CHD6: variants seen among roughly 807,000 people sequenced by gnomAD.
The protein encoded by CHD6 is ATP-dependent chromatin remodeler CHD6.
Under a neutral mutation model 276.9 loss-of-function variants are expected in CHD6, and 50 were observed. The ratio of observed to expected loss-of-function variants is 0.18; its 90% CI spans 0.14 to 0.23. The LOEUF is 0.23. Among genes scored for constraint, CHD6 ranks in the 10% least tolerant of loss-of-function variants. CHD6 has a pLI of 1.00. For missense variants in CHD6, 2,564 were observed against 3,365.8 expected (o/e 0.76, Z 5.89); for synonymous variants, 1,173 against 1,229.3 (o/e 0.95, Z 0.96).
chr20:41,488,569 G>A lies in CHD6; in HGVS notation c.1716C>T (p.Val572=), dbSNP rs538568916. ...NPLSGVFKFH[V]VITTFEMILA... ...GGATCATTTCAAATGTTGTGATGAC[G>A]ACGTGGAACTTGAAGACTCCTGAAA... The change falls in exon 13 of 37, where the codon GTC becomes GTT. Residue 572 remains valine (V), a synonymous_variant. Coordinates refer to ENST00000373233, the MANE Select transcript of CHD6 (RefSeq NM_032221.5). 8.7e-5 allele frequency: 141 copies of A among 1,613,710 alleles called. No individual in the cohort carries two copies. Among genetic ancestry groups the A allele is most frequent in the African/African-American group, 2.4e-4 (18 of 75,008 alleles).
At chr20:41,582,079 G>A (rs1475024032) in intron 1 of CHD6, among the ~76,000 whole-genome samples, 3 of 152,046 alleles carry the variant, frequency 2.0e-5, no homozygotes, top group Non-Finnish European at 4.4e-5. Flanking sequence ...TGGTGGGAGG[G>A]GCAGTGTGGG....
At chr20:41,563,529 G>C (rs2045324561) in intron 1 of CHD6, among the ~76,000 whole-genome samples, 1 of 152,142 alleles carries the variant, frequency 6.6e-6, no homozygotes, top group Admixed American at 6.5e-5. Flanking sequence ...TTTCAGTGAT[G>C]AGTGAGGCAC....
intron 1 of CHD6, among the ~76,000 whole-genome samples, chr20:41,602,919 G>A (rs1028416069): frequency 6.6e-6 from 1 of 152,110 alleles, no homozygotes; most frequent in Non-Finnish European, 1.5e-5. Flanking sequence ...CTGGGCTCAC[G>A]TGATCTGCCT....
rs371304192 is a variant in CHD6, at chr20:41,509,679, T to C, written c.852+3167A>G. 2.0e-5 allele frequency among the ~76,000 whole-genome samples: 3 copies of C among 152,126 alleles called. No homozygotes were observed. The East Asian group carries it at 5.8e-4, about 29-fold the overall frequency. ...GCAAAATCACACAAACCACCCAAAC[T>C]GCAGGAGGCAAAAACTGAGACAGGC... is the stretch of plus-strand genomic sequence containing the variant. On this transcript the variant is annotated intron_variant, in intron 5 of 36. Transcript: ENST00000373233.
chr20:41,455,451 T>C (rs75541540), intron 19 of CHD6, among the ~76,000 whole-genome samples: 11 of 152,180 alleles, frequency 7.2e-5, no homozygotes, highest in Non-Finnish European at 1.5e-5. Context: ...GAGCTTCCAC[T>C]CTCTATCAGT....
chr20:41,449,433 CA>C (rs1173283419), intron 23 of CHD6, among the ~76,000 whole-genome samples: 1 of 152,136 alleles, frequency 6.6e-6, no homozygotes, highest in Non-Finnish European at 1.5e-5. Flanking sequence ...TAAAGAGAAA[CA>C]AATGTGTTGA....
intron 27 of CHD6, among the ~76,000 whole-genome samples, chr20:41,432,572 C>T (rs913661182): frequency 2.0e-5 from 3 of 148,752 alleles, no homozygotes; most frequent in Non-Finnish European, 4.5e-5. Flanking sequence ...TTTGCTTCCA[C>T]CTCACAGAAA....
At chr20:41,455,390 C>T (rs1773173613) in intron 19 of CHD6, among the ~76,000 whole-genome samples, 1 of 152,148 alleles carries the variant, frequency 6.6e-6, no homozygotes, top group Non-Finnish European at 1.5e-5. Context: ...ATCTCTTTCC[C>T]ATTAAACAAA....
intron 8 of CHD6, chr20:41,497,156 T>C (rs1016219100): frequency 2.4e-5 from 12 of 495,520 alleles, no homozygotes; most frequent in African/African-American, 2.3e-4. Context: ...CAGACCAAGA[T>C]GCACGCCGTT....
In CHD6 at chr20:41,451,785, T is replaced by G. The variant is rs753385250; in HGVS notation, c.3523+41A>C. 3 of 1,565,328 alleles carry G rather than the reference T, an allele frequency of 1.9e-6. No individual in the cohort carries two copies. In the African/African-American group the frequency reaches 4.1e-5, roughly 21 times the overall value. ...GCAGAGGAAGAGGGGATGAAGTGCA[T>G]GGGAATCGTGCTTCTTAGGCATGGC... On this transcript the variant is annotated intron_variant, in intron 22 of 36. Transcript: ENST00000373233.
At chr20:41,432,160 C>CAAAAAAAAAAAAAAAAAAAAAAA (rs572447937) in intron 27 of CHD6, among the ~76,000 whole-genome samples, 1 of 58,976 alleles carries the variant, frequency 1.7e-5, no homozygotes, top group South Asian at 6.5e-4. Flanking sequence ...AACTCCGTCT[C>CAAAAAAAAAAAAAAAAAAAAAAA]AAAAAAAAAA....
At chr20:41,448,480 G>T (rs557067151) in intron 23 of CHD6, among the ~76,000 whole-genome samples, 2 of 152,302 alleles carry the variant, frequency 1.3e-5, no homozygotes, top group East Asian at 3.9e-4. Context: ...AGGCTCCAAG[G>T]GAATGCATCA....
chr20:41,611,479 G>A (rs1487415941), intron 1 of CHD6, among the ~76,000 whole-genome samples: 1 of 152,140 alleles, frequency 6.6e-6, no homozygotes, highest in African/African-American at 2.4e-5. Flanking sequence ...CATAACAGGA[G>A]GTTCTACTGA....
chr20:41,573,003 G>A (rs913108541), intron 1 of CHD6, among the ~76,000 whole-genome samples: 3 of 151,934 alleles, frequency 2.0e-5, no homozygotes, highest in Non-Finnish European at 2.9e-5. Context: ...TCTGCCTCAC[G>A]GGTTCACGTC....
In CHD6 at chr20:41,452,093, A is replaced by G; in HGVS notation, c.3324-68T>C. On this transcript the variant is annotated intron_variant, in intron 21 of 36. Coordinates refer to ENST00000373233, the MANE Select transcript of CHD6 (RefSeq NM_032221.5). This position sits in a 1 kb window ranked among gnomAD's most constrained non-coding sequence, Gnocchi z 4.2. ...CAGGCCATGCAGGCAGCCTCCCCACAGGAGGAGAAACAAGAGCCATACATG... is the reference window on the plus strand; with the variant it reads ...CAGGCCATGCAGGCAGCCTCCCCACGGGAGGAGAAACAAGAGCCATACATG... 1 of 1,191,772 alleles carries G rather than the reference A, an allele frequency of 8.4e-7. No homozygotes were observed. The highest frequency in any genetic ancestry group is 1.2e-6 in the Non-Finnish European group (1 of 808,192). The allele number at this position is 1,191,772 out of a possible 1,614,324, so 73.8% of individuals were successfully genotyped here.
chr20:41,607,962 A>G (rs1267650419), intron 1 of CHD6, among the ~76,000 whole-genome samples: 5 of 152,178 alleles, frequency 3.3e-5, no homozygotes, highest in Admixed American at 1.3e-4. Flanking sequence ...GGTGTGAGAG[A>G]GAATGTAACC....
chr20:41,564,243 A>T (rs2045332146), intron 1 of CHD6: 3 of 581,302 alleles, frequency 5.2e-6, no homozygotes, highest in Non-Finnish European at 9.3e-6. Flanking sequence ...AATGATCTAG[A>T]TGACATTTTC....
At position 41,403,761 on chromosome 20, in the gene CHD6, CCAG is replaced by C. The variant is rs1242309809; in HGVS notation, c.*829_*831del. The stretch of plus-strand genomic sequence containing the variant: ...ATGGCTAGAGAAATCTGTAAGCGAA[CCAG>C]GTGAGAGCAGAGCGCTAGCCGTGTG... On this transcript the variant is annotated 3_prime_UTR_variant, in exon 37 of 37. Transcript: ENST00000373233. The C allele has an allele frequency of 5.7e-6, 6 of 1,057,726 alleles. No homozygotes were observed. Among genetic ancestry groups the C allele is most frequent in the Non-Finnish European group, 6.9e-6 (6 of 874,652 alleles). The allele number at this position is 1,057,726 out of a possible 1,614,324, so 65.5% of individuals were successfully genotyped here. A position where few individuals can be genotyped will look rare whatever the true frequency, so the allele number is the denominator to read the frequency against.
chr20:41,565,297 T>A (rs1165801878), intron 1 of CHD6, among the ~76,000 whole-genome samples: 1 of 152,076 alleles, frequency 6.6e-6, no homozygotes. Context: ...GTTTTCATCA[T>A]GTTGGCCAGG....
Sources: gnomAD v4.1 joint callset for allele counts (sites outside exome capture counted in the v4.1 genomes callset) on GRCh38, gnomAD v4.1.1 for gene constraint, Gnocchi (gnomAD v3.1) non-coding constraint, MANE v1.5 for transcripts, NCBI Gene and HGNC (gene_info 2026-07-23, HGNC 2026-07-21) for gene names.